Variants in PCLO observed in about 807,000 individuals in gnomAD.
The protein encoded by PCLO is piccolo presynaptic cytomatrix protein, also known as protein piccolo.
In PCLO, 82 loss-of-function variants were observed where a neutral mutation model predicts 427.5. The ratio of observed to expected loss-of-function variants is 0.19; its 90% CI spans 0.16 to 0.23. PCLO has a LOEUF of 0.23. Among genes scored for constraint, PCLO ranks in the 10% least tolerant of loss-of-function variants. PCLO has a pLI of 1.00. For missense variants in PCLO, 6,239 were observed against 6,115.9 expected (o/e 1.02, Z -0.67); for synonymous variants, 2,357 against 2,155.4 (o/e 1.09, Z -2.59).
At chr7:83,047,903 C>G (rs375338662) in intron 3 of PCLO, among the ~76,000 whole-genome samples, 2 of 151,890 alleles carry the variant, frequency 1.3e-5, no homozygotes, top group African/African-American at 2.4e-5. Flanking sequence ...CACACACCCC[C>G]ACACCCACCT....
chr7:82,769,464 C>T (rs1308515107), intron 22 of PCLO, among the ~76,000 whole-genome samples: 1 of 152,092 alleles, frequency 6.6e-6, no homozygotes, highest in East Asian at 1.9e-4. Flanking sequence ...TTATTGGTGT[C>T]TGTACCACTT....
intron 3 of PCLO, among the ~76,000 whole-genome samples, chr7:83,060,959 T>A (rs950910480): frequency 1.3e-5 from 2 of 152,200 alleles, no homozygotes; most frequent in Non-Finnish European, 2.9e-5. Context: ...ACATCAACAC[T>A]GTAAGGTTTT....
intron 1 of PCLO, among the ~76,000 whole-genome samples, chr7:83,161,486 A>C (rs1237950891): frequency 6.6e-6 from 1 of 152,222 alleles, no homozygotes; most frequent in Non-Finnish European, 1.5e-5. Flanking sequence ...GAAAACAACT[A>C]ATCTATTGGG....
intron 10 of PCLO, among the ~76,000 whole-genome samples, chr7:82,863,575 TAG>T (rs1385745184): frequency 6.6e-6 from 1 of 151,976 alleles, no homozygotes; most frequent in African/African-American, 2.4e-5. Flanking sequence ...TTATCAATGT[TAG>T]AGTGTATACA....
intron 10 of PCLO, among the ~76,000 whole-genome samples, chr7:82,850,691 C>G (rs1478293374): frequency 6.6e-6 from 1 of 152,102 alleles, no homozygotes; most frequent in African/African-American, 2.4e-5. Context: ...CACAAAAGCT[C>G]CTGACGTCTG....
chr7:82,793,360 G>A (rs114199193), intron 22 of PCLO, among the ~76,000 whole-genome samples: 1,545 of 152,184 alleles, frequency 0.01, 17 homozygotes, highest in African/African-American at 0.035. Flanking sequence ...TATCAGCTCT[G>A]GTTTTGAGTC....
intron 3 of PCLO, among the ~76,000 whole-genome samples, chr7:83,016,440 C>T (rs563283892): frequency 4.5e-4 from 68 of 151,836 alleles, no homozygotes; most frequent in Non-Finnish European, 5.4e-4. Context: ...GTCATAGTTT[C>T]CTCATGTTGA....
intron 3 of PCLO, among the ~76,000 whole-genome samples, chr7:83,087,864 A>G (rs972572536): frequency 1.6e-4 from 25 of 152,200 alleles, no homozygotes; most frequent in Non-Finnish European, 3.1e-4. Flanking sequence ...TTTAAAAATC[A>G]TCTAATGTCA....
At chr7:82,888,227 G>C (rs1251360596) in intron 9 of PCLO, among the ~76,000 whole-genome samples, 3 of 152,114 alleles carry the variant, frequency 2.0e-5, no homozygotes, top group Non-Finnish European at 4.4e-5. Flanking sequence ...CAGCAGTTAG[G>C]ATGGAACACA....
At chr7:82,925,713 CTTTTTTT>C (rs34017885) in intron 6 of PCLO, among the ~76,000 whole-genome samples, 128 of 79,016 alleles carry the variant, frequency 1.6e-3, no homozygotes, top group African/African-American at 5.3e-3. Flanking sequence ...ATTTTTGTTG[CTTTTTTT>C]TTTTTTTTTT....
Position 83,155,411 on chromosome 7 carries a change from A to C in PCLO, c.1230T>G (p.Pro410=), listed in dbSNP as rs1406382202. ...TTGGTGTCCCCACCTGCTGGGTTGG[A>C]GGCTTTGCTGGCCCTGGCTGTTGAG... The part of the protein sequence containing the change: ...TPAQQPGPAK[P]PTQQVGTPKP... The change falls in exon 2 of 25, where the codon CCT becomes CCG. Residue 410 remains proline (P), a synonymous_variant. Transcript: ENST00000333891. 1.9e-6 allele frequency: 3 copies of C among 1,610,508 alleles called. No homozygotes were observed. In the East Asian group the frequency reaches 6.7e-5, roughly 36 times the overall value.
Position 82,773,018 on chromosome 7 carries a change from T to C in PCLO, c.15008-11525A>G, listed in dbSNP as rs542511234. On this transcript the variant is annotated intron_variant, in intron 22 of 24. Transcript: ENST00000333891. Reference sequence around the variant, plus strand: ...GGAGAGCTGGTATGATAGACCAACATGCTAGCAAAGTCTCCTTCCAGAAAG... The same window carrying C: ...GGAGAGCTGGTATGATAGACCAACACGCTAGCAAAGTCTCCTTCCAGAAAG... Among the ~76,000 whole-genome samples the C allele has an allele frequency of 2.6e-5, 4 of 152,216 alleles. No homozygotes were observed. In the South Asian group the frequency reaches 8.3e-4, roughly 32 times the overall value.
At chr7:82,985,237 T>G (rs1419782540) in intron 3 of PCLO, among the ~76,000 whole-genome samples, 2 of 151,994 alleles carry the variant, frequency 1.3e-5, no homozygotes, top group East Asian at 3.9e-4. Flanking sequence ...GCAGACAAGG[T>G]AATAGTATAT....
intron 22 of PCLO, among the ~76,000 whole-genome samples, chr7:82,779,746 CT>C (rs397976054): frequency 1.2e-3 from 162 of 134,348 alleles, no homozygotes; most frequent in African/African-American, 1.6e-3. Context: ...TTCTTTCTTT[CT>C]TTTTTTTTTT....
At chr7:82,762,519 C>A (rs995152732) in intron 22 of PCLO, among the ~76,000 whole-genome samples, 19 of 151,074 alleles carry the variant, frequency 1.3e-4, no homozygotes, top group Non-Finnish European at 2.7e-4. Flanking sequence ...TCTTTACACT[C>A]AAAAAAAATT....
chr7:83,093,707 A>G (rs972054127), intron 3 of PCLO, among the ~76,000 whole-genome samples: 34 of 148,184 alleles, frequency 2.3e-4, no homozygotes, highest in Middle Eastern at 3.5e-3. Flanking sequence ...GTTAGCCAGG[A>G]TGGTCTCGAT....
Position 82,915,681 on chromosome 7 carries a change from G to C in PCLO, c.12305C>G (p.Ser4102Cys), listed in dbSNP as rs1420706393. 4 of 1,613,100 alleles carry C rather than the reference G, an allele frequency of 2.5e-6. No individual in the cohort carries two copies. The African/African-American group carries it at 5.3e-5, about 22-fold the overall frequency. Residue 4102 changes from serine to cysteine, a missense_variant, in exon 7 of 25, where the codon TCT (serine) becomes TGT (cysteine). By Grantham distance (112) the Ser-to-Cys change is moderately radical. Coordinates refer to ENST00000333891, the MANE Select transcript of PCLO (RefSeq NM_033026.6). ...CGCCTTCACATAACTATGCAATCTAGAGGAAGACTGTAAAGGTGCTAGGAA... is the reference window on the plus strand; with the variant it reads ...CGCCTTCACATAACTATGCAATCTACAGGAAGACTGTAAAGGTGCTAGGAA... ...TDFLAPLQSS[S>C]RLHSYVKAEE... is the part of the protein sequence containing the mutation.
At chr7:82,821,940 AT>A (rs1429533170) in intron 20 of PCLO, 1 of 985,372 alleles carries the variant, frequency 1.0e-6, no homozygotes, top group Non-Finnish European at 1.2e-6. Flanking sequence ...CAGAAGCAAA[AT>A]TTGTTAGTGT....
chr7:83,048,389 A>T (rs761980299), intron 3 of PCLO, among the ~76,000 whole-genome samples: 6 of 152,056 alleles, frequency 3.9e-5, no homozygotes, highest in Non-Finnish European at 5.9e-5. Context: ...CCTAGACTAA[A>T]TTATCTTGCC....
Sources: gnomAD v4.1 joint callset for allele counts (sites outside exome capture counted in the v4.1 genomes callset) on GRCh38, gnomAD v4.1.1 for gene constraint, MANE v1.5 for transcripts, NCBI Gene and HGNC (gene_info 2026-07-23, HGNC 2026-07-21) for gene names.